Variants in DYSF observed in about 807,000 individuals in gnomAD.
DYSF encodes dystrophy-associated fer-1-like 1.
DYSF carries 212 observed loss-of-function variants against 274.9 expected under a neutral mutation model. The observed-to-expected ratio is 0.77, with a 90% CI of 0.69 to 0.86. The LOEUF is 0.86. Among genes scored for constraint, DYSF ranks in the 40% least tolerant of loss-of-function variants. The probability of loss-of-function intolerance (pLI) is 0.00; values close to 1 mark genes in which losing one functional copy is unlikely to be tolerated. For synonymous variants in DYSF, 1,091 were observed against 1,078.7 expected, an observed-to-expected ratio of 1.01 and a Z score of -0.22; for missense variants, 2,666 against 2,783.2, an observed-to-expected ratio of 0.96 and a Z score of 0.95.
intron 36 of DYSF, 77 bp from the exon 37 acceptor site, chr2:71,611,168 A>G (rs2093750758): frequency 1.8e-6 from 2 of 1,081,940 alleles, no homozygotes; most frequent in East Asian, 2.4e-5. Context: ...TTTCTGTCCT[A>G]TCTGTCCTTC....
intron 41 of DYSF, among the ~76,000 whole-genome samples, chr2:71,627,190 G>A (rs2094222023): frequency 6.6e-6 from 1 of 150,584 alleles, no homozygotes; most frequent in Non-Finnish European, 1.5e-5. Flanking sequence ...TTTTGGGGGA[G>A]TTTATTATAT....
chr2:71,611,327 T>C lies in DYSF; in HGVS notation c.4040T>C (p.Leu1347Pro). ...GTTCCTCAGAACATCAAGCCAGCGC[T>C]CCAGCGTACCGCCATCGAGGTGAGC... ...YMVPQNIKPA[L>P]QRTAIEILAW... The change falls in exon 37 of 56, where the codon CTC becomes CCC. Residue 1347 changes from leucine (L) to proline (P), a missense_variant. Around this residue, in one of 3 missense-constraint regions of DYSF, gnomAD observed 1,460 missense variants for 1,502.1 expected, o/e 0.97. Transcript: ENST00000410020. 1.2e-6 allele frequency: 2 copies of C among 1,613,986 alleles called. No individual in the cohort carries two copies. Among genetic ancestry groups the C allele is most frequent in the South Asian group, 1.1e-5 (1 of 91,078 alleles).
rs373937570 is a variant in DYSF, at chr2:71,478,295, C to T, written c.92-2588C>T. On this transcript the variant is annotated intron_variant, in intron 1 of 55. Transcript: ENST00000410020. ...GGTGCCATCTCGGCTCACTGCAAGC[C>T]CCGCCTCCTGGGTTCACGCCATTCT... Among the ~76,000 whole-genome samples the T allele has an allele frequency of 1.6e-3, 245 of 151,462 alleles. 2 individuals are homozygous for T. The East Asian group carries it at 0.024, about 15-fold the overall frequency.
At position 71,675,196 on chromosome 2, in the gene DYSF, C is replaced by T. The variant is rs544724381; in HGVS notation, c.5884+900C>T. On this transcript the variant is annotated intron_variant, in intron 52 of 55. Coordinates refer to ENST00000410020, the MANE Select transcript of DYSF (RefSeq NM_001130987.2). ...GTGATGGGTAAGAGGTTTCTTTTTG[C>T]GGTGATGGAAAGGTTCTGGAATTAG... Among the ~76,000 whole-genome samples, 435 of 152,026 alleles carry T rather than the reference C, an allele frequency of 2.9e-3. 3 individuals carry two copies. The highest frequency in any genetic ancestry group is 9.8e-3 in the African/African-American group (408 of 41,442).
At chr2:71,459,886 GC>G (rs1392886462) in intron 1 of DYSF, among the ~76,000 whole-genome samples, 1 of 152,072 alleles carries the variant, frequency 6.6e-6, no homozygotes, top group Non-Finnish European at 1.5e-5. Context: ...ACCTCTGTCA[GC>G]CCCGAAACAC....
At chr2:71,562,455 C>T (rs1451846597) in intron 23 of DYSF, among the ~76,000 whole-genome samples, 1 of 152,160 alleles carries the variant, frequency 6.6e-6, no homozygotes, top group African/African-American at 2.4e-5. Flanking sequence ...CAGAGAGAAC[C>T]GGCTCTGGTT....
chr2:71,555,939 C>T (rs1413075431), intron 21 of DYSF, 26 bp from the exon 22 acceptor site: 5 of 1,541,830 alleles, frequency 3.2e-6, no homozygotes, highest in Non-Finnish European at 4.4e-6. Context: ...GGTGACACAC[C>T]TGACCCTTGC....
intron 30 of DYSF, among the ~76,000 whole-genome samples, chr2:71,586,161 C>A (rs563490458): frequency 3.9e-5 from 6 of 152,220 alleles, no homozygotes; most frequent in African/African-American, 1.4e-4. Context: ...CCAGTCTCCC[C>A]TGGGAGGGCC....
At chr2:71,649,467 TAGGGAGAAGG>T (rs2094619987) in intron 42 of DYSF, among the ~76,000 whole-genome samples, 1 of 152,054 alleles carries the variant, frequency 6.6e-6, no homozygotes, top group Non-Finnish European at 1.5e-5. Context: ...AACTGGGTGA[TAGGGAGAAGG>T]AGGGAGATAA....
At chr2:71,540,951 C>CT (rs1213361662) in intron 17 of DYSF, among the ~76,000 whole-genome samples, 1 of 152,112 alleles carries the variant, frequency 6.6e-6, no homozygotes, top group Non-Finnish European at 1.5e-5. Flanking sequence ...TCTAGCATTA[C>CT]TTTTTTCAAA....
intron 26 of DYSF, among the ~76,000 whole-genome samples, chr2:71,569,034 A>G (rs1342290893): frequency 6.6e-6 from 1 of 151,816 alleles, no homozygotes; most frequent in Non-Finnish European, 1.5e-5. Flanking sequence ...CACTACGCCC[A>G]GCTAATTTTA....
At chr2:71,551,178 C>A (rs751341997) in intron 18 of DYSF, 22 bp downstream of exon 18, 1 of 1,611,728 alleles carries the variant, frequency 6.2e-7, no homozygotes, top group Non-Finnish European at 8.5e-7. Flanking sequence ...GGAGCCCTGG[C>A]AAGGGCAGGA....
chr2:71,517,353 G>A (rs58895648), intron 10 of DYSF, among the ~76,000 whole-genome samples: 3 of 152,090 alleles, frequency 2.0e-5, no homozygotes, highest in East Asian at 1.9e-4. Flanking sequence ...TTTAGCCAGC[G>A]GGTCCAACCC....
intron 17 of DYSF, among the ~76,000 whole-genome samples, chr2:71,546,494 T>G (rs1403832731): frequency 6.6e-6 from 1 of 152,260 alleles, no homozygotes; most frequent in Non-Finnish European, 1.5e-5. Context: ...CAAATTTGCC[T>G]GGGCGCACTA....
chr2:71,497,545 C>T (rs1377201579), intron 3 of DYSF, among the ~76,000 whole-genome samples: 1 of 152,208 alleles, frequency 6.6e-6, no homozygotes, highest in African/African-American at 2.4e-5. Context: ...TGAGGCCTCC[C>T]CAACCCTGCT....
chr2:71,577,377 A>G (rs1004085234), intron 30 of DYSF, among the ~76,000 whole-genome samples: 8 of 150,966 alleles, frequency 5.3e-5, no homozygotes, highest in African/African-American at 1.7e-4. Context: ...ACACATACAC[A>G]CTCATACAAC....
At chr2:71,672,647 G>A (rs558366575) in intron 51 of DYSF, among the ~76,000 whole-genome samples, 1 of 152,304 alleles carries the variant, frequency 6.6e-6, no homozygotes, top group East Asian at 1.9e-4. Context: ...CCCCAGGCTG[G>A]AGCCCCAGCC....
At position 71,474,616 on chromosome 2, in the gene DYSF, G is replaced by A. The variant is rs146409483; in HGVS notation, c.92-6267G>A. On this transcript the variant is annotated intron_variant, in intron 1 of 55. Transcript: ENST00000410020. ...CGTGATTGTGCTTAGTGAATGTTTC[G>A]TTTCTTTCTTTCTCCTCTTTGGGGC... 3.5e-3 allele frequency among the ~76,000 whole-genome samples: 534 copies of A among 152,216 alleles called. 3 individuals are homozygous for A. The highest frequency in any genetic ancestry group is 0.012 in the African/African-American group (508 of 41,508).
chr2:71,681,139 C>A, intron 54 of DYSF, 29 bp downstream of exon 54: 1 of 1,598,346 alleles, frequency 6.3e-7, no homozygotes, highest in Non-Finnish European at 8.6e-7. Context: ...AGCCCCAATG[C>A]CCACAGGTCT....
Sources: allele counts gnomAD v4.1 joint callset (sites outside exome capture counted in the v4.1 genomes callset), GRCh38; gene constraint gnomAD v4.1.1; regional missense constraint gnomAD v4.1.1; transcripts MANE v1.5; gene names NCBI Gene and HGNC (gene_info 2026-07-23, HGNC 2026-07-21).